MCF2L2: variants seen among roughly 807,000 people sequenced by gnomAD.
MCF2L2 encodes MCF.2 cell line derived transforming sequence-like 2.
Under a neutral mutation model 150.2 loss-of-function variants are expected in MCF2L2, and 102 were observed. The ratio of observed to expected loss-of-function variants is 0.68; its 90% CI spans 0.58 to 0.80. MCF2L2 has a LOEUF of 0.80. Ranked by LOEUF, MCF2L2 falls within the 30% of genes least tolerant of loss-of-function variation. The probability of loss-of-function intolerance (pLI) is 0.00; values close to 1 mark genes in which losing one functional copy is unlikely to be tolerated. For synonymous variants in MCF2L2, 465 were observed against 491.3 expected, an observed-to-expected ratio of 0.95 and a Z score of 0.71; for missense variants, 1,256 against 1,372.8, an observed-to-expected ratio of 0.91 and a Z score of 1.34.
intron 3 of MCF2L2, among the ~76,000 whole-genome samples, chr3:183,360,894 G>A (rs150608015): frequency 0.029 from 4,403 of 151,134 alleles, 205 homozygotes; most frequent in African/African-American, 0.099. Context: ...GTTTGAATCC[G>A]GGAGGCAGAG....
At position 183,230,773 on chromosome 3, in the gene MCF2L2, T is replaced by C. The variant is rs150416855; in HGVS notation, c.1929+178A>G. On this transcript the variant is annotated intron_variant, in intron 16 of 29. Coordinates refer to ENST00000328913, the MANE Select transcript of MCF2L2 (RefSeq NM_015078.4). The stretch of plus-strand genomic sequence containing the variant: ...ATTCTTTGGAAACTATTTGGCTACA[T>C]GGATCAAGAAACCACAGGGATGTTC... 1.2e-3 allele frequency among the ~76,000 whole-genome samples: 178 copies of C among 152,356 alleles called. 1 individual carries two copies. The highest frequency in any genetic ancestry group is 6.8e-4 in the Non-Finnish European group (46 of 68,038).
chr3:183,249,819 T>C (rs922897383), intron 15 of MCF2L2, among the ~76,000 whole-genome samples: 21 of 152,212 alleles, frequency 1.4e-4, no homozygotes, highest in African/African-American at 5.1e-4. Context: ...GAACAAAAGT[T>C]TGAATAATTG....
intron 3 of MCF2L2, chr3:183,375,452 C>G (rs1472325932): frequency 6.6e-6 from 1 of 152,106 alleles, no homozygotes; most frequent in Non-Finnish European, 1.5e-5. Flanking sequence ...GTTTTCTGAG[C>G]TCCTATAGCA....
At chr3:183,338,462 A>AG (rs1211679432) in intron 5 of MCF2L2, among the ~76,000 whole-genome samples, 3 of 151,542 alleles carry the variant, frequency 2.0e-5, no homozygotes, top group East Asian at 1.9e-4. Context: ...AAAAAAAAAA[A>AG]AAAGAAAAAG....
At chr3:183,316,726 G>A (rs1242711568) in intron 7 of MCF2L2, among the ~76,000 whole-genome samples, 1 of 151,636 alleles carries the variant, frequency 6.6e-6, no homozygotes, top group African/African-American at 2.4e-5. Flanking sequence ...GTTGTTTTGA[G>A]ATGGAGTCTC....
At chr3:183,309,945 T>G in intron 9 of MCF2L2, 110 bp from the exon 10 acceptor site, 1 of 1,293,344 alleles carries the variant, frequency 7.7e-7, no homozygotes, top group Non-Finnish European at 1.1e-6. Flanking sequence ...ATTCAAGACT[T>G]GTATATATCT....
At chr3:183,282,272 T>G (rs551402874) in intron 14 of MCF2L2, among the ~76,000 whole-genome samples, 33 of 152,010 alleles carry the variant, frequency 2.2e-4, no homozygotes, top group South Asian at 1.5e-3. Context: ...TCTGCCTCCC[T>G]GGTTCATGCC....
At chr3:183,356,834 CA>C (rs1181663616) in intron 3 of MCF2L2, among the ~76,000 whole-genome samples, 1 of 152,074 alleles carries the variant, frequency 6.6e-6, no homozygotes, top group Non-Finnish European at 1.5e-5. Context: ...AAAACAACTA[CA>C]AAAAAGTTTA....
chr3:183,275,001 A>G (rs1396983291), intron 15 of MCF2L2, among the ~76,000 whole-genome samples: 2 of 151,354 alleles, frequency 1.3e-5, no homozygotes. Context: ...ATTATCTATC[A>G]CAAATGTCAA....
In MCF2L2 at chr3:183,341,107, T is replaced by C. The variant is rs1016110519; in HGVS notation, c.366+433A>G. On this transcript the variant is annotated intron_variant, in intron 4 of 29. Transcript: ENST00000328913. ...AAGACAACAATGAATAGAGTGGCAA[T>C]GTCTCAATGAGGGGGTTACTGCCGT... is the stretch of plus-strand genomic sequence containing the variant. Among the ~76,000 whole-genome samples the C allele has an allele frequency of 1.9e-4, 29 of 152,184 alleles. 1 individual carries two copies. Among genetic ancestry groups the C allele is most frequent in the Admixed American group, 2.6e-4 (4 of 15,278 alleles).
chr3:183,315,437 T>G (rs1729564734), intron 7 of MCF2L2, among the ~76,000 whole-genome samples: 1 of 152,228 alleles, frequency 6.6e-6, no homozygotes, highest in Admixed American at 6.5e-5. Context: ...AGCATTTCTT[T>G]TACTAAAAGG....
At chr3:183,241,845 G>C (rs998412147) in intron 15 of MCF2L2, among the ~76,000 whole-genome samples, 5 of 152,228 alleles carry the variant, frequency 3.3e-5, no homozygotes, top group Admixed American at 2.6e-4. Flanking sequence ...GAACTTCCTA[G>C]AGACTTGTTG....
intron 25 of MCF2L2, among the ~76,000 whole-genome samples, chr3:183,202,671 A>C (rs1385164669): frequency 6.6e-6 from 1 of 152,262 alleles, no homozygotes; most frequent in Non-Finnish European, 1.5e-5. Context: ...TCACTAAGCT[A>C]ACTGAACAGA....
At chr3:183,205,734 G>C (rs1435922390) in intron 25 of MCF2L2, 142 bp downstream of exon 25, 1 of 638,700 alleles carries the variant, frequency 1.6e-6, no homozygotes, top group Non-Finnish European at 2.8e-6. Flanking sequence ...TCAAGCATAG[G>C]TGCTTCCAGG....
intron 1 of MCF2L2, among the ~76,000 whole-genome samples, chr3:183,413,558 T>G (rs1359711871): frequency 1.3e-5 from 2 of 152,190 alleles, no homozygotes; most frequent in Non-Finnish European, 2.9e-5. Context: ...TTAACATGTC[T>G]GCTCACCTCG....
chr3:183,356,217 TA>T (rs202092489), intron 3 of MCF2L2, among the ~76,000 whole-genome samples: 2,522 of 138,114 alleles, frequency 0.018, 62 homozygotes, highest in South Asian at 0.095. Flanking sequence ...CTCTTTATTA[TA>T]AAAAAAAAAA....
intron 23 of MCF2L2, among the ~76,000 whole-genome samples, chr3:183,207,089 T>C (rs1171799123): frequency 6.6e-6 from 1 of 152,022 alleles, no homozygotes; most frequent in Non-Finnish European, 1.5e-5. Context: ...TAAATATATA[T>C]GGGTGTGGCT....
intron 1 of MCF2L2, among the ~76,000 whole-genome samples, chr3:183,412,532 C>T (rs1437822750): frequency 6.6e-6 from 1 of 152,026 alleles, no homozygotes; most frequent in Non-Finnish European, 1.5e-5. Flanking sequence ...CTCCTGACCT[C>T]AAGTGATCCA....
chr3:183,256,923 T>C (rs918907772), intron 15 of MCF2L2, among the ~76,000 whole-genome samples: 6 of 152,270 alleles, frequency 3.9e-5, no homozygotes, highest in African/African-American at 1.2e-4. Flanking sequence ...ATGATACTTC[T>C]GCCTCAACAG....
Sources: allele counts gnomAD v4.1 joint callset (sites outside exome capture counted in the v4.1 genomes callset), GRCh38; gene constraint gnomAD v4.1.1; transcripts MANE v1.5; gene names NCBI Gene and HGNC (gene_info 2026-07-23, HGNC 2026-07-21).